Variants in EXD3 observed in about 807,000 individuals in gnomAD.
The protein encoded by EXD3 is exonuclease 3'-5' domain containing 3.
In EXD3, 92 loss-of-function variants were observed where a neutral mutation model predicts 98.0. The ratio of observed to expected loss-of-function variants is 0.94; its 90% CI spans 0.79 to 1.12. The LOEUF is 1.12. Among genes scored for constraint, EXD3 ranks in the 50% most tolerant of loss-of-function variants. The pLI, the probability that EXD3 is intolerant of heterozygous loss-of-function variation, is 0.00. For synonymous variants in EXD3, 569 were observed against 526.0 expected (o/e 1.08, Z -1.12); for missense variants, 1,222 against 1,191.6 (o/e 1.03, Z -0.38).
At chr9:137,415,684 C>T (rs1268338598) in intron 1 of EXD3, among the ~76,000 whole-genome samples, 2 of 152,238 alleles carry the variant, frequency 1.3e-5, no homozygotes, top group Non-Finnish European at 2.9e-5. Flanking sequence ...GCCAACAGCA[C>T]ATGTTGGGGT....
intron 1 of EXD3, among the ~76,000 whole-genome samples, chr9:137,411,822 G>C (rs1437182312): frequency 6.6e-6 from 1 of 152,118 alleles, no homozygotes; most frequent in Non-Finnish European, 1.5e-5. Flanking sequence ...ACACCGCAGT[G>C]AGTCACCCAA....
At chr9:137,378,921 C>G (rs1836057102) in intron 3 of EXD3, among the ~76,000 whole-genome samples, 2 of 133,566 alleles carry the variant, frequency 1.5e-5, no homozygotes, top group African/African-American at 3.0e-5. Flanking sequence ...GGGAATGGGG[C>G]ATCTGTGTGA....
At chr9:137,381,523 G>A (rs529592434) in intron 3 of EXD3, among the ~76,000 whole-genome samples, 7 of 151,550 alleles carry the variant, frequency 4.6e-5, no homozygotes, top group East Asian at 1.9e-4. Flanking sequence ...CTGGGAGTGC[G>A]CCTACTCCAG....
At position 137,307,707 on chromosome 9, in the gene EXD3, C is replaced by A. The variant is rs561923215; in HGVS notation, c.2279-61G>T. 4.4e-5 allele frequency: 69 copies of A among 1,585,244 alleles called. 1 individual carries two copies. The African/African-American group carries it at 8.7e-4, about 20-fold the overall frequency. On this transcript the variant is annotated intron_variant, in intron 20 of 21. Coordinates refer to ENST00000340951, the MANE Select transcript of EXD3 (RefSeq NM_017820.5). Reference sequence around the variant, plus strand: ...CCTAGGGATGGGGCTTGGCAGCCAGCGGGGTCCATGACGCAGCCATGCGGC... The same window carrying A: ...CCTAGGGATGGGGCTTGGCAGCCAGAGGGGTCCATGACGCAGCCATGCGGC...
Position 137,405,266 on chromosome 9 carries a change from C to CG in EXD3, c.-47-9863dup, listed in dbSNP as rs1054395622. ...CCACAGAGGGCTGGGCCAGCACCCC[C>CG]GGGGGAAGGCGGTGGGCACCCAGGG... On this transcript the variant is annotated intron_variant, in intron 1 of 21. Coordinates refer to ENST00000340951, the MANE Select transcript of EXD3 (RefSeq NM_017820.5). This position sits in a 1 kb window ranked among gnomAD's most constrained non-coding sequence, Gnocchi z 4.1. Among the ~76,000 whole-genome samples, 55 of 152,208 alleles carry CG rather than the reference C, an allele frequency of 3.6e-4. No homozygotes were observed. The highest frequency in any genetic ancestry group is 1.3e-3 in the African/African-American group (54 of 41,460).
At position 137,352,046 on chromosome 9, in the gene EXD3, C is replaced by T; in HGVS notation, c.1173+20G>A. On this transcript the variant is annotated intron_variant, in intron 12 of 21. Coordinates refer to ENST00000340951, the MANE Select transcript of EXD3 (RefSeq NM_017820.5). ...GGGGATCCCACCACCGGGCGCTGCC[C>T]CAGCGGCCGAGGGAACCACCTGCAG... 1 of 1,600,640 alleles carries T rather than the reference C, an allele frequency of 6.2e-7. No individual in the cohort carries two copies. The highest frequency in any genetic ancestry group is 8.5e-7 in the Non-Finnish European group (1 of 1,174,346).
intron 1 of EXD3, among the ~76,000 whole-genome samples, chr9:137,400,870 A>G (rs911575215): frequency 3.9e-5 from 6 of 152,212 alleles, no homozygotes; most frequent in South Asian, 4.1e-4. Flanking sequence ...TAAAGCTCCA[A>G]AATGATCTCC....
chr9:137,335,949 T>C (rs1161902924), intron 17 of EXD3, among the ~76,000 whole-genome samples: 3 of 152,136 alleles, frequency 2.0e-5, no homozygotes, highest in Non-Finnish European at 4.4e-5. Flanking sequence ...CATGGAATAC[T>C]ACTCAGCCGT....
At chr9:137,397,366 T>A (rs1353063875) in intron 1 of EXD3, among the ~76,000 whole-genome samples, 1 of 151,884 alleles carries the variant, frequency 6.6e-6, no homozygotes, top group African/African-American at 2.4e-5. Context: ...TGACAAAACA[T>A]CAAGACACAA....
At chr9:137,417,026 C>T (rs1264169898) in intron 1 of EXD3, among the ~76,000 whole-genome samples, 2 of 152,228 alleles carry the variant, frequency 1.3e-5, no homozygotes, top group African/African-American at 4.8e-5. Context: ...AGGATCTCCT[C>T]GGCCTCCCTG....
chr9:137,326,941 G>T (rs1005774911), intron 17 of EXD3, among the ~76,000 whole-genome samples: 3 of 151,856 alleles, frequency 2.0e-5, no homozygotes, highest in African/African-American at 7.3e-5. Context: ...AAGGAAGGAC[G>T]TTCCGACACA....
chr9:137,365,195 GTCAGGTGGAC>G (rs1460467077), intron 7 of EXD3: 1 of 152,012 alleles, frequency 6.6e-6, no homozygotes, highest in East Asian at 1.9e-4. Context: ...CAAGCTTTGA[GTCAGGTGGAC>G]TCAGCCCCAT....
intron 17 of EXD3, among the ~76,000 whole-genome samples, chr9:137,325,315 C>G (rs1400648381): frequency 6.6e-6 from 1 of 152,218 alleles, no homozygotes; most frequent in East Asian, 1.9e-4. Flanking sequence ...CATCCAAGGA[C>G]TCAGGAGCCA....
intron 1 of EXD3, among the ~76,000 whole-genome samples, chr9:137,404,219 C>T (rs984846505): frequency 1.1e-4 from 16 of 152,206 alleles, no homozygotes; most frequent in African/African-American, 3.9e-4. Context: ...GCGCCTAGGG[C>T]TTCAACATGG....
chr9:137,375,664 G>A (rs769203537), intron 3 of EXD3, among the ~76,000 whole-genome samples: 2 of 152,124 alleles, frequency 1.3e-5, no homozygotes, highest in African/African-American at 4.8e-5. Flanking sequence ...TAGCTCTAGC[G>A]AGTTCTAGCT....
chr9:137,339,622 T>G (rs945916261), intron 17 of EXD3, among the ~76,000 whole-genome samples: 1 of 151,964 alleles, frequency 6.6e-6, no homozygotes, highest in Admixed American at 6.6e-5. Context: ...GAGCTAATAA[T>G]GTCATTCATC....
At chr9:137,348,278 C>G in intron 16 of EXD3, 40 bp from the exon 17 acceptor site, 1 of 1,585,748 alleles carries the variant, frequency 6.3e-7, no homozygotes, top group Non-Finnish European at 8.6e-7. Flanking sequence ...CGGTCACCCC[C>G]CAGCCCCTCA....
intron 19 of EXD3, among the ~76,000 whole-genome samples, chr9:137,320,871 G>C (rs984395400): frequency 1.3e-5 from 2 of 152,196 alleles, no homozygotes; most frequent in Non-Finnish European, 2.9e-5. Context: ...TGCCTCCCCA[G>C]GCGTCCCGGA....
At chr9:137,388,177 C>T (rs1836703626) in intron 2 of EXD3, among the ~76,000 whole-genome samples, 1 of 152,120 alleles carries the variant, frequency 6.6e-6, no homozygotes, top group Non-Finnish European at 1.5e-5. Context: ...CCCTGCCCAG[C>T]ACCAGAGCCT....
Sources: gnomAD v4.1 joint callset for allele counts (sites outside exome capture counted in the v4.1 genomes callset) on GRCh38, gnomAD v4.1.1 for gene constraint, Gnocchi (gnomAD v3.1) non-coding constraint, MANE v1.5 for transcripts, NCBI Gene and HGNC (gene_info 2026-07-23, HGNC 2026-07-21) for gene names.